NTF3: variants seen among roughly 807,000 people sequenced by gnomAD.
NTF3 encodes neurotrophin-3.
NTF3 carries 8 observed loss-of-function variants against 26.3 expected under a neutral mutation model. The observed-to-expected ratio is 0.30, with a 90% CI of 0.18 to 0.55. The LOEUF (loss-of-function observed/expected upper bound fraction) is 0.55, where lower values mean the gene tolerates loss of function less well. NTF3 is among the 20% of genes least tolerant of loss of function. NTF3 has a pLI of 0.93. For missense variants in NTF3, 276 were observed against 352.9 expected (o/e 0.78, Z 1.75); for synonymous variants, 154 against 145.5 (o/e 1.06, Z -0.42).
intron 1 of NTF3, among the ~76,000 whole-genome samples, chr12:5,490,445 G>A (rs974799659): frequency 2.0e-5 from 3 of 152,234 alleles, no homozygotes; most frequent in African/African-American, 7.2e-5. Flanking sequence ...GCTCTCTGCA[G>A]ATGACAGGGA....
In NTF3 at chr12:5,453,190, ATAAAT is replaced by A. The variant is rs1350837365; in HGVS notation, c.18+20852_18+20856del. 8.5e-5 allele frequency among the ~76,000 whole-genome samples: 13 copies of A among 152,358 alleles called. No homozygotes were observed. In the South Asian group the frequency reaches 2.7e-3, roughly 32 times the overall value. On this transcript the variant is annotated intron_variant, in intron 1 of 1. Coordinates refer to ENST00000423158, the MANE Select transcript of NTF3 (RefSeq NM_001102654.2). Reference sequence around the variant, plus strand: ...GTGTATTAAATTAGTTTTGAAAAGAATAAATTAATAACAATGATGAACATTTTTGA... The same window carrying A: ...GTGTATTAAATTAGTTTTGAAAAGAATAATAACAATGATGAACATTTTTGA...
rs563333610 is a variant in NTF3, at chr12:5,456,093, G to A, written c.18+23751G>A. 6.6e-6 allele frequency among the ~76,000 whole-genome samples: 1 copy of A among 152,306 alleles called. No homozygotes were observed. Among genetic ancestry groups the A allele is most frequent in the South Asian group, 2.1e-4 (1 of 4,822 alleles). On this transcript the variant is annotated intron_variant, in intron 1 of 1. Coordinates refer to ENST00000423158, the MANE Select transcript of NTF3 (RefSeq NM_001102654.2). This position sits in a 1 kb window ranked among gnomAD's most constrained non-coding sequence, Gnocchi z 4.4. ...AGCATGTCCGGACCTCCAGTCAATG[G>A]TGGGCTGTCAGTCGTCAGCTGAGGT...
At chr12:5,450,360 C>T (rs550881140) in intron 1 of NTF3, among the ~76,000 whole-genome samples, 5 of 152,314 alleles carry the variant, frequency 3.3e-5, no homozygotes, top group Admixed American at 3.3e-4. Context: ...CCTTTATTAA[C>T]TGATAGAAAT....
intron 1 of NTF3, among the ~76,000 whole-genome samples, chr12:5,475,390 A>C (rs1940710190): frequency 2.0e-5 from 3 of 152,180 alleles, no homozygotes; most frequent in Non-Finnish European, 4.4e-5. Flanking sequence ...GATGATGGAC[A>C]TAGGGAATTC....
chr12:5,470,311 T>G (rs1339271732), intron 1 of NTF3, among the ~76,000 whole-genome samples: 1 of 152,202 alleles, frequency 6.6e-6, no homozygotes, highest in Non-Finnish European at 1.5e-5. Flanking sequence ...TTCTCTGATA[T>G]GAGGACAGGA....
Position 5,445,287 on chromosome 12 carries a change from GATGTGTGTGTGT to G in NTF3, c.18+12958_18+12969del, listed in dbSNP as rs764889299. Among the ~76,000 whole-genome samples the G allele has an allele frequency of 9.5e-3, 1,082 of 114,450 alleles. 14 individuals are homozygous for G. The highest frequency in any genetic ancestry group is 0.042 in the East Asian group (153 of 3,686). 75.1% of individuals were successfully genotyped at this position (114,450 alleles called of 152,430 possible). ...CCATAGATGATTCCTTGGATTAAAT[GATGTGTGTGTGT>G]ATGTGTGTGTGTGTGTGTGTGTGTG... is the stretch of plus-strand genomic sequence containing the variant. On this transcript the variant is annotated intron_variant, in intron 1 of 1. Transcript: ENST00000423158.
Position 5,432,184 on chromosome 12 carries a change from C to T in NTF3, c.-141C>T. On this transcript the variant is annotated 5_prime_UTR_variant, in exon 1 of 2. Transcript: ENST00000423158. ...CGACGCAGCCCGGCGCAACTACTTT[C>T]TTCTCTCTCCTTTCTTTCTTCCTCT... The T allele has an allele frequency of 2.0e-6, 2 of 1,009,988 alleles. No homozygotes were observed. Among genetic ancestry groups the T allele is most frequent in the South Asian group, 1.3e-5 (1 of 75,768 alleles). The allele number at this position is 1,009,988 out of a possible 1,614,324, so 62.6% of individuals were successfully genotyped here. A position where few individuals can be genotyped will look rare whatever the true frequency, so the allele number is the denominator to read the frequency against.
chr12:5,488,584 A>C (rs918821031), intron 1 of NTF3, among the ~76,000 whole-genome samples: 1 of 152,216 alleles, frequency 6.6e-6, no homozygotes, highest in Non-Finnish European at 1.5e-5. Context: ...TTTTCAATTA[A>C]GATTTGGGGA....
chr12:5,453,835 T>C (rs1940404201), intron 1 of NTF3, among the ~76,000 whole-genome samples: 1 of 152,180 alleles, frequency 6.6e-6, no homozygotes, highest in African/African-American at 2.4e-5. Context: ...AGGAAGATGT[T>C]GGAGAACTGT....
chr12:5,485,798 G>A (rs1940859830), intron 1 of NTF3, among the ~76,000 whole-genome samples: 1 of 152,210 alleles, frequency 6.6e-6, no homozygotes, highest in Admixed American at 6.5e-5. Context: ...TTTGATGGAA[G>A]ATTGGTTTTC....
intron 1 of NTF3, among the ~76,000 whole-genome samples, chr12:5,491,085 C>A (rs150744975): frequency 2.6e-5 from 4 of 152,196 alleles, no homozygotes; most frequent in Non-Finnish European, 5.9e-5. Flanking sequence ...ATTTTTGTTG[C>A]GCCTACGAAC....
intron 1 of NTF3, among the ~76,000 whole-genome samples, chr12:5,470,107 G>A (rs570113107): frequency 6.6e-6 from 1 of 152,210 alleles, no homozygotes; most frequent in South Asian, 2.1e-4. Context: ...TGTATTTTTA[G>A]TAGAGATGGG....
chr12:5,495,176 T>C lies in NTF3; in HGVS notation c.*188T>C, dbSNP rs909332789. 3 of 636,146 alleles carry C rather than the reference T, an allele frequency of 4.7e-6. No individual in the cohort carries two copies. The highest frequency in any genetic ancestry group is 5.3e-6 in the Non-Finnish European group (2 of 375,628). 39.4% of individuals were successfully genotyped at this position (636,146 alleles called of 1,614,324 possible). Reference sequence around the variant, plus strand: ...CTTGCCTTCCCTCAGGCCTCTCCCATCTGTTAAAACTTGTTTTGTGATCCG... The same window carrying C: ...CTTGCCTTCCCTCAGGCCTCTCCCACCTGTTAAAACTTGTTTTGTGATCCG... On this transcript the variant is annotated 3_prime_UTR_variant, in exon 2 of 2. Coordinates refer to ENST00000423158, the MANE Select transcript of NTF3 (RefSeq NM_001102654.2).
intron 1 of NTF3, among the ~76,000 whole-genome samples, chr12:5,482,820 C>T (rs1406879313): frequency 6.6e-6 from 1 of 150,616 alleles, no homozygotes; most frequent in Admixed American, 6.6e-5. Context: ...TTTTTTCAAT[C>T]TCTGTCTCTA....
intron 1 of NTF3, among the ~76,000 whole-genome samples, chr12:5,493,865 G>A (rs1439782117): frequency 3.9e-5 from 6 of 152,142 alleles, no homozygotes; most frequent in Non-Finnish European, 7.4e-5. Flanking sequence ...TGAACCATGC[G>A]TCTTTGCAGG....
intron 1 of NTF3, among the ~76,000 whole-genome samples, chr12:5,443,982 G>A (rs774974512): frequency 9.9e-5 from 15 of 152,210 alleles, no homozygotes; most frequent in Admixed American, 2.6e-4. Context: ...TGGGTTACAG[G>A]TTGAGAGACC....
intron 1 of NTF3, among the ~76,000 whole-genome samples, chr12:5,473,104 T>C (rs762467423): frequency 1.3e-5 from 2 of 152,144 alleles, no homozygotes; most frequent in African/African-American, 2.4e-5. Flanking sequence ...CTCCCACCCA[T>C]AGACCTGAAC....
At chr12:5,435,251 T>C (rs1162637983) in intron 1 of NTF3, among the ~76,000 whole-genome samples, 1 of 152,208 alleles carries the variant, frequency 6.6e-6, no homozygotes, top group Non-Finnish European at 1.5e-5. Flanking sequence ...CCAGTTCATA[T>C]TGATAATCAA....
chr12:5,434,740 G>A (rs1243013611), intron 1 of NTF3, among the ~76,000 whole-genome samples: 2 of 152,068 alleles, frequency 1.3e-5, no homozygotes, highest in African/African-American at 4.8e-5. Context: ...CACATGGAGT[G>A]GGTGTGGTGT....
Sources: allele counts gnomAD v4.1 joint callset (sites outside exome capture counted in the v4.1 genomes callset), GRCh38; gene constraint gnomAD v4.1.1; non-coding constraint Gnocchi (gnomAD v3.1); transcripts MANE v1.5; gene names NCBI Gene and HGNC (gene_info 2026-07-23, HGNC 2026-07-21).